PECAM1: variants seen among roughly 807,000 people sequenced by gnomAD.
PECAM1 encodes the protein platelet and endothelial cell adhesion molecule 1.
In PECAM1, 8 loss-of-function variants were observed where a neutral mutation model predicts 13.8. The observed-to-expected ratio is 0.58, with a 90% CI of 0.34 to 1.05. The LOEUF is 1.05. Ranked by LOEUF, PECAM1 falls within the 50% of genes least tolerant of loss-of-function variation. The pLI, the probability that PECAM1 is intolerant of heterozygous loss-of-function variation, is 0.03. For missense variants in PECAM1, 304 were observed against 141.2 expected, an observed-to-expected ratio of 2.15 and a Z score of -5.84; for synonymous variants, 136 against 52.6, an observed-to-expected ratio of 2.58 and a Z score of -6.86.
At chr17:64,352,002 T>A (rs1423028129) in intron 11 of PECAM1, among the ~76,000 whole-genome samples, 1 of 152,240 alleles carries the variant, frequency 6.6e-6, no homozygotes, top group Non-Finnish European at 1.5e-5. Flanking sequence ...AAATTTGAAG[T>A]AAAACTGTCT....
chr17:64,385,350 G>A lies in PECAM1; in HGVS notation c.91+5139C>T, dbSNP rs1024713094. 2.8e-4 allele frequency among the ~76,000 whole-genome samples: 42 copies of A among 152,228 alleles called. No homozygotes were observed. In the East Asian group the frequency reaches 4.1e-3, roughly 15 times the overall value. ...ATGGTGGTGCTCCCTGGAAACATGC[G>A]GCACCATCAGTCAGCCAGCCCCCTG... On this transcript the variant is annotated intron_variant, in intron 2 of 15. Coordinates refer to ENST00000563924, the MANE Select transcript of PECAM1 (RefSeq NM_000442.5).
chr17:64,324,736 A>G (rs1483729825), intron 15 of PECAM1, among the ~76,000 whole-genome samples: 1 of 152,258 alleles, frequency 6.6e-6, no homozygotes, highest in Non-Finnish European at 1.5e-5. Flanking sequence ...TCAACACAGG[A>G]AAACCTTGAA....
chr17:64,348,070 C>G (rs1379209767), intron 13 of PECAM1, among the ~76,000 whole-genome samples, 190 bp downstream of exon 13: 2 of 152,056 alleles, frequency 1.3e-5, no homozygotes, highest in African/African-American at 4.8e-5. Context: ...TTTTACAGCT[C>G]AGAGACAGGG....
chr17:64,374,239 T>A (rs1178413072), intron 4 of PECAM1, among the ~76,000 whole-genome samples: 3 of 151,616 alleles, frequency 2.0e-5, no homozygotes, highest in Non-Finnish European at 4.4e-5. Flanking sequence ...CCTGTAATCC[T>A]AGCACTTTAG....
intron 14 of PECAM1, among the ~76,000 whole-genome samples, chr17:64,337,187 C>G (rs1010984528): frequency 3.0e-4 from 46 of 152,152 alleles, no homozygotes; most frequent in Non-Finnish European, 5.1e-4. Flanking sequence ...AGAACCAGGG[C>G]TCTCTCTACC....
chr17:64,386,375 A>G (rs1232219699), intron 2 of PECAM1, among the ~76,000 whole-genome samples: 1 of 149,178 alleles, frequency 6.7e-6, no homozygotes, highest in African/African-American at 2.5e-5. Context: ...ACTGCACTCC[A>G]GCCTGGGCAA....
At chr17:64,360,948 C>T (rs984974408) in intron 6 of PECAM1, among the ~76,000 whole-genome samples, 1 of 151,520 alleles carries the variant, frequency 6.6e-6, no homozygotes, top group African/African-American at 2.4e-5. Flanking sequence ...ACCTCAGCCT[C>T]CCGAGTAGCT....
rs1388281784 is a variant in PECAM1, at chr17:64,347,742, A to ATATT, written c.2107+517_2107+518insAATA. On this transcript the variant is annotated intron_variant, in intron 13 of 15. Coordinates refer to ENST00000563924, the MANE Select transcript of PECAM1 (RefSeq NM_000442.5). ...TTATATATTTTATATATATATATAT[A>ATATT]TTTTTTGAGATGGAGTCTCACTCTG... Among the ~76,000 whole-genome samples the ATATT allele has an allele frequency of 3.8e-3, 544 of 144,462 alleles. 3 individuals are homozygous for ATATT. The highest frequency in any genetic ancestry group is 0.013 in the African/African-American group (509 of 39,366). The allele number at this position is 144,462 out of a possible 152,430, so 94.8% of individuals were successfully genotyped here. A position where few individuals can be genotyped will look rare whatever the true frequency, so the allele number is the denominator to read the frequency against.
chr17:64,354,311 T>G (rs2035800927), intron 9 of PECAM1, among the ~76,000 whole-genome samples: 1 of 152,174 alleles, frequency 6.6e-6, no homozygotes, highest in Non-Finnish European at 1.5e-5. Flanking sequence ...AACTCGAAGC[T>G]GGCCTAAGAT....
chr17:64,378,339 C>T (rs1598051168), intron 2 of PECAM1, among the ~76,000 whole-genome samples: 1 of 152,106 alleles, frequency 6.6e-6, no homozygotes, highest in Non-Finnish European at 1.5e-5. Context: ...GGCAAAGGAA[C>T]AGAGTGTGAT....
intron 7 of PECAM1, among the ~76,000 whole-genome samples, chr17:64,358,018 C>T (rs1394570197): frequency 1.3e-5 from 2 of 151,620 alleles, no homozygotes; most frequent in Non-Finnish European, 2.9e-5. Flanking sequence ...ACACCTGTCA[C>T]GCTTAGGCTC....
At chr17:64,326,390 T>C (rs900672071) in intron 15 of PECAM1, among the ~76,000 whole-genome samples, 4 of 152,242 alleles carry the variant, frequency 2.6e-5, no homozygotes, top group Non-Finnish European at 5.9e-5. Flanking sequence ...CCAAGGACCC[T>C]TGGGGAACAG....
intron 15 of PECAM1, among the ~76,000 whole-genome samples, chr17:64,326,162 G>C (rs1424239814): frequency 6.6e-6 from 1 of 152,128 alleles, no homozygotes; most frequent in Non-Finnish European, 1.5e-5. Context: ...GTAGAGGGGG[G>C]CCCTGGGCAA....
chr17:64,382,736 A>G (rs2036508234), intron 2 of PECAM1, among the ~76,000 whole-genome samples: 1 of 148,282 alleles, frequency 6.7e-6, no homozygotes, highest in African/African-American at 2.5e-5. Context: ...TTTTTTTTTC[A>G]AATAAAAACC....
intron 2 of PECAM1, among the ~76,000 whole-genome samples, chr17:64,381,965 T>A (rs2036491265): frequency 6.6e-6 from 1 of 151,840 alleles, no homozygotes; most frequent in Non-Finnish European, 1.5e-5. Flanking sequence ...CCGGGTGTGG[T>A]GGTGGGCGCC....
chr17:64,353,326 C>T (rs1352876780), intron 10 of PECAM1, among the ~76,000 whole-genome samples, 165 bp downstream of exon 10: 3 of 151,702 alleles, frequency 2.0e-5, no homozygotes, highest in Admixed American at 1.3e-4. Flanking sequence ...CACACACACA[C>T]ACACACACAC....
At chr17:64,344,680 C>T (rs2035519884) in intron 13 of PECAM1, among the ~76,000 whole-genome samples, 1 of 152,088 alleles carries the variant, frequency 6.6e-6, no homozygotes, top group Non-Finnish European at 1.5e-5. Flanking sequence ...ACCCACAAAG[C>T]CCCTTTTCGT....
chr17:64,334,936 T>C (rs948956579), intron 14 of PECAM1, among the ~76,000 whole-genome samples: 1 of 152,114 alleles, frequency 6.6e-6, no homozygotes, highest in Non-Finnish European at 1.5e-5. Flanking sequence ...AGAAAGACCC[T>C]ACTCCTTCCA....
At chr17:64,325,837 T>C (rs904966794) in intron 15 of PECAM1, among the ~76,000 whole-genome samples, 1 of 152,246 alleles carries the variant, frequency 6.6e-6, no homozygotes, top group Admixed American at 6.5e-5. Context: ...CTTCAAATGG[T>C]ATTTGTGTCA....
Sources: allele counts gnomAD v4.1 joint callset (sites outside exome capture counted in the v4.1 genomes callset), GRCh38; gene constraint gnomAD v4.1.1; transcripts MANE v1.5; gene names NCBI Gene and HGNC (gene_info 2026-07-23, HGNC 2026-07-21).